GRM7: variants seen among roughly 807,000 people sequenced by gnomAD.
GRM7 encodes the protein metabotropic glutamate receptor 7.
In GRM7, 35 loss-of-function variants were observed where a neutral mutation model predicts 84.5. The observed-to-expected ratio is 0.41, with a 90% CI of 0.32 to 0.55. GRM7 has a LOEUF of 0.55. Among genes scored for constraint, GRM7 ranks in the 20% least tolerant of loss-of-function variants. The probability of loss-of-function intolerance (pLI) is 0.19; values close to 1 mark genes in which losing one functional copy is unlikely to be tolerated. For missense variants in GRM7, 1,003 were observed against 1,194.6 expected, an observed-to-expected ratio of 0.84 and a Z score of 2.36; for synonymous variants, 487 against 455.1, an observed-to-expected ratio of 1.07 and a Z score of -0.89.
Position 6,915,494 on chromosome 3 carries a change from C to T in GRM7, c.519+53587C>T, listed in dbSNP as rs544934942. ...AAATTCTTGATTTTAAAATGGGAAG[C>T]ACATTCTCAACGTTCATCTTTTCAT... On this transcript the variant is annotated intron_variant, in intron 1 of 9. Transcript: ENST00000357716. Among the ~76,000 whole-genome samples, 8 of 152,264 alleles carry T rather than the reference C, an allele frequency of 5.3e-5. No homozygotes were observed. In the South Asian group the frequency reaches 1.2e-3, roughly 24 times the overall value.
At chr3:7,354,777 C>T (rs370650978) in intron 4 of GRM7, among the ~76,000 whole-genome samples, 3 of 152,182 alleles carry the variant, frequency 2.0e-5, no homozygotes, top group South Asian at 4.1e-4. Context: ...AAAGTTAACA[C>T]ATCTTCTGGT....
chr3:7,620,043 A>G (rs536142906), intron 8 of GRM7, among the ~76,000 whole-genome samples: 1 of 152,282 alleles, frequency 6.6e-6, no homozygotes, highest in East Asian at 1.9e-4. Context: ...CTAACTGTCC[A>G]TGTGCTTACT....
At chr3:7,165,511 G>T (rs1252366086) in intron 2 of GRM7, among the ~76,000 whole-genome samples, 1 of 152,230 alleles carries the variant, frequency 6.6e-6, no homozygotes, top group East Asian at 1.9e-4. Context: ...TTTCTATATG[G>T]TTTTCTGCTT....
intron 1 of GRM7, among the ~76,000 whole-genome samples, chr3:6,908,901 C>T (rs1251441248): frequency 6.6e-6 from 1 of 152,070 alleles, no homozygotes; most frequent in East Asian, 1.9e-4. Context: ...GGATTTCTGG[C>T]TAGGTAAGTC....
chr3:7,349,501 A>G (rs1213730372), intron 4 of GRM7, among the ~76,000 whole-genome samples: 1 of 152,146 alleles, frequency 6.6e-6, no homozygotes, highest in Non-Finnish European at 1.5e-5. Flanking sequence ...AAAGATACTC[A>G]TAGATGGAAG....
chr3:7,321,197 A>G (rs925320637), intron 4 of GRM7, among the ~76,000 whole-genome samples: 5 of 152,040 alleles, frequency 3.3e-5, no homozygotes, highest in African/African-American at 7.2e-5. Context: ...CCAGTGTTAG[A>G]AATGAATTAT....
chr3:7,418,561 G>A (rs181149067), intron 5 of GRM7, among the ~76,000 whole-genome samples: 117 of 152,138 alleles, frequency 7.7e-4, no homozygotes, highest in Admixed American at 2.0e-3. Context: ...TTTTTTCTGC[G>A]TTGTATTTAT....
At chr3:7,656,195 A>G (rs1389886681) in intron 8 of GRM7, among the ~76,000 whole-genome samples, 3 of 152,044 alleles carry the variant, frequency 2.0e-5, no homozygotes, top group African/African-American at 7.2e-5. Context: ...GTGTGGTTAA[A>G]TGTGCATTTC....
At chr3:7,461,549 C>T (rs1056952893) in intron 6 of GRM7, 34 bp from the exon 7 acceptor site, 2 of 1,581,694 alleles carry the variant, frequency 1.3e-6, no homozygotes. Flanking sequence ...TCTTGTTTAA[C>T]TTTAGAATCT....
chr3:7,658,644 T>G (rs999566861), intron 8 of GRM7, among the ~76,000 whole-genome samples: 6 of 152,198 alleles, frequency 3.9e-5, no homozygotes, highest in African/African-American at 1.4e-4. Flanking sequence ...TTAAAGGGAT[T>G]ATTTGGGGGG....
At chr3:7,503,089 G>A (rs73017832) in intron 7 of GRM7, among the ~76,000 whole-genome samples, 1 of 152,076 alleles carries the variant, frequency 6.6e-6, no homozygotes, top group Non-Finnish European at 1.5e-5. Flanking sequence ...CAATCACAAG[G>A]AGCGCCTAGA....
At chr3:7,018,841 A>T (rs547083113) in intron 1 of GRM7, among the ~76,000 whole-genome samples, 1 of 152,304 alleles carries the variant, frequency 6.6e-6, no homozygotes. Context: ...TCACGCCTGT[A>T]ATCTTAGTAC....
rs567392820 is a variant in GRM7, at chr3:6,892,347, G to T, written c.519+30440G>T. Among the ~76,000 whole-genome samples the T allele has an allele frequency of 1.2e-4, 18 of 150,524 alleles. 1 individual carries two copies. Among genetic ancestry groups the T allele is most frequent in the African/African-American group, 4.4e-4 (18 of 40,540 alleles). The stretch of plus-strand genomic sequence containing the variant: ...CTGCTCCTGTTGGGTCAGCGAGGCA[G>T]GCCTGCACATACACTTAATTTTGCA... On this transcript the variant is annotated intron_variant, in intron 1 of 9. Coordinates refer to ENST00000357716, the MANE Select transcript of GRM7 (RefSeq NM_000844.4).
chr3:7,665,914 G>A (rs1325972113), intron 8 of GRM7, among the ~76,000 whole-genome samples: 2 of 152,122 alleles, frequency 1.3e-5, no homozygotes, highest in Non-Finnish European at 2.9e-5. Context: ...TTTTATATGT[G>A]CACCATACTT....
In GRM7 at chr3:7,375,955, G is replaced by A. The variant is rs180829275; in HGVS notation, c.1034-39068G>A. On this transcript the variant is annotated intron_variant, in intron 4 of 9. Coordinates refer to ENST00000357716, the MANE Select transcript of GRM7 (RefSeq NM_000844.4). ...CTACTAGACCAACATCTCCCTGAGA[G>A]GAAAGCATATATTTCACTTGCTTTA... Among the ~76,000 whole-genome samples, 374 of 152,200 alleles carry A rather than the reference G, an allele frequency of 2.5e-3. 2 individuals carry two copies. The highest frequency in any genetic ancestry group is 8.3e-3 in the African/African-American group (344 of 41,520).
At chr3:7,343,207 A>G (rs1344606156) in intron 4 of GRM7, among the ~76,000 whole-genome samples, 1 of 151,986 alleles carries the variant, frequency 6.6e-6, no homozygotes, top group Non-Finnish European at 1.5e-5. Flanking sequence ...ATAGCAGTTT[A>G]CAGATCTTTT....
At chr3:6,943,677 G>T (rs1355374939) in intron 1 of GRM7, among the ~76,000 whole-genome samples, 2 of 151,844 alleles carry the variant, frequency 1.3e-5, no homozygotes, top group African/African-American at 4.8e-5. Context: ...CTAAATATTT[G>T]CATGTCCACA....
At chr3:7,361,304 C>T (rs1012752997) in intron 4 of GRM7, among the ~76,000 whole-genome samples, 3 of 152,042 alleles carry the variant, frequency 2.0e-5, no homozygotes, top group African/African-American at 7.2e-5. Context: ...TATGCATTTA[C>T]ATTATCCCGA....
intron 1 of GRM7, among the ~76,000 whole-genome samples, chr3:7,024,545 T>G (rs1038273643): frequency 3.9e-5 from 6 of 152,194 alleles, no homozygotes; most frequent in Admixed American, 3.3e-4. Flanking sequence ...CACAGAGAGG[T>G]AACTGCTGGG....
Sources: allele counts gnomAD v4.1 joint callset (sites outside exome capture counted in the v4.1 genomes callset), GRCh38; gene constraint gnomAD v4.1.1; transcripts MANE v1.5; gene names NCBI Gene and HGNC (gene_info 2026-07-23, HGNC 2026-07-21).